The following GABRA2 variants were observed in gnomAD, a reference collection of about 807,000 sequenced individuals.
GABRA2 encodes the protein gamma-aminobutyric acid type A receptor subunit alpha2, also known as gamma-aminobutyric acid receptor subunit alpha-2.
GABRA2 carries 16 observed loss-of-function variants against 48.7 expected under a neutral mutation model. That is an observed-to-expected ratio of 0.33 (90% CI 0.22 to 0.50). The LOEUF (loss-of-function observed/expected upper bound fraction) is 0.50. GABRA2 is among the 20% of genes least tolerant of loss of function. The probability of loss-of-function intolerance (pLI) is 0.98; values close to 1 mark genes in which losing one functional copy is unlikely to be tolerated. For synonymous variants in GABRA2, 185 were observed against 184.5 expected, an observed-to-expected ratio of 1.00 and a Z score of -0.02; for missense variants, 275 against 535.6, an observed-to-expected ratio of 0.51 and a Z score of 4.80.
intron 3 of GABRA2, among the ~76,000 whole-genome samples, chr4:46,382,177 TACAC>T (rs36024364): frequency 2.1e-5 from 3 of 140,778 alleles, no homozygotes; most frequent in Admixed American, 7.1e-5. Flanking sequence ...TACACAAACA[TACAC>T]ACACACACAC....
intron 7 of GABRA2, 136 bp from the exon 8 acceptor site, chr4:46,303,748 T>A: frequency 2.7e-6 from 2 of 738,192 alleles, no homozygotes; most frequent in East Asian, 5.4e-5. Flanking sequence ...GAAATTTATA[T>A]CACTTTTAAA....
intron 3 of GABRA2, among the ~76,000 whole-genome samples, chr4:46,376,741 TC>T (rs1426954656): frequency 6.9e-6 from 1 of 144,386 alleles, no homozygotes; most frequent in African/African-American, 2.8e-5. Flanking sequence ...TGTCTCCCTC[TC>T]CCTCTCCCTC....
chr4:46,293,240 A>T (rs984403595), intron 8 of GABRA2, among the ~76,000 whole-genome samples: 1 of 151,988 alleles, frequency 6.6e-6, no homozygotes, highest in Admixed American at 6.6e-5. Context: ...TGCCTCAATC[A>T]GTTTCCAGAC....
At chr4:46,259,705 A>T (rs1459075399) in intron 9 of GABRA2, among the ~76,000 whole-genome samples, 1 of 151,846 alleles carries the variant, frequency 6.6e-6, no homozygotes, top group Non-Finnish European at 1.5e-5. Context: ...GCATTTGCTC[A>T]TGTTTACTAA....
In GABRA2 at chr4:46,362,810, A is replaced by C. The variant is rs376248214; in HGVS notation, c.187+23264T>G. 8.3e-4 allele frequency among the ~76,000 whole-genome samples: 126 copies of C among 152,350 alleles called. 2 individuals are homozygous for C. In the South Asian group the frequency reaches 0.016, roughly 19 times the overall value. On this transcript the variant is annotated intron_variant, in intron 3 of 9. Transcript: ENST00000381620. ...AAGCAATGGTTTGCAAAATGGCAAAAGATAGTAAAGTTAAACTGGTGTATT... is the reference window on the plus strand; with the variant it reads ...AAGCAATGGTTTGCAAAATGGCAAACGATAGTAAAGTTAAACTGGTGTATT...
chr4:46,364,120 T>A lies in GABRA2; in HGVS notation c.187+21954A>T, dbSNP rs1713664094. 3.3e-5 allele frequency: 5 copies of A among 152,160 alleles called. No individual in the cohort carries two copies. The South Asian group carries it at 1.0e-3, about 32-fold the overall frequency. The allele number at this position is 152,160 out of a possible 1,614,324, so 9.4% of individuals were successfully genotyped here. ...CTACCTAATAAAGGGGCATGTAAGA[T>A]CCCAAGCCTTGGAATCAAAGAGATC... On this transcript the variant is annotated intron_variant, in intron 3 of 9. Coordinates refer to ENST00000381620, the MANE Select transcript of GABRA2 (RefSeq NM_000807.4).
chr4:46,319,551 T>A (rs1385178654), intron 4 of GABRA2, among the ~76,000 whole-genome samples: 1 of 151,898 alleles, frequency 6.6e-6, no homozygotes, highest in African/African-American at 2.4e-5. Flanking sequence ...TAGCACAGTA[T>A]TTGCATTGCA....
At chr4:46,377,234 C>A (rs923246650) in intron 3 of GABRA2, among the ~76,000 whole-genome samples, 2 of 151,220 alleles carry the variant, frequency 1.3e-5, no homozygotes, top group African/African-American at 4.9e-5. Context: ...CCTGGCTGCC[C>A]AGTCTGGAAA....
chr4:46,294,976 G>A (rs951258572), intron 8 of GABRA2, among the ~76,000 whole-genome samples: 1 of 152,180 alleles, frequency 6.6e-6, no homozygotes, highest in Non-Finnish European at 1.5e-5. Context: ...AATTACATGA[G>A]GAAGTGACTC....
intron 3 of GABRA2, 105 bp from the exon 4 acceptor site, chr4:46,332,787 G>T (rs183677247): frequency 1.4e-5 from 9 of 641,700 alleles, no homozygotes; most frequent in Admixed American, 5.5e-5. Context: ...TCACAAATTC[G>T]GGAGTACTGG....
At chr4:46,373,524 A>G (rs1392648789) in intron 3 of GABRA2, among the ~76,000 whole-genome samples, 1 of 152,160 alleles carries the variant, frequency 6.6e-6, no homozygotes, top group Non-Finnish European at 1.5e-5. Flanking sequence ...TTAAATGGTG[A>G]CATATTTTAA....
rs1246465885 is a variant in GABRA2 at position 46,389,807 on chromosome 4, G to C, written c.-83C>G. On this transcript the variant is annotated 5_prime_UTR_variant, in exon 1 of 10. Transcript: ENST00000381620. ...TTGACGAGATAGGAAACTTGGGAGAGAGAGAGAGAGAGAGAGAGAGAGAGA... is the reference window on the plus strand; with the variant it reads ...TTGACGAGATAGGAAACTTGGGAGACAGAGAGAGAGAGAGAGAGAGAGAGA... 2 of 304,338 alleles carry C rather than the reference G, an allele frequency of 6.6e-6. No individual in the cohort carries two copies. Among genetic ancestry groups the C allele is most frequent in the Non-Finnish European group, 7.5e-6 (2 of 267,228 alleles). 18.9% of individuals were successfully genotyped at this position (304,338 alleles called of 1,614,324 possible). A position where few individuals can be genotyped will look rare whatever the true frequency, so the allele number is the denominator to read the frequency against.
chr4:46,336,330 T>C (rs954989108), intron 3 of GABRA2, among the ~76,000 whole-genome samples: 1 of 152,128 alleles, frequency 6.6e-6, no homozygotes, highest in African/African-American at 2.4e-5. Flanking sequence ...GTTGAGAGTA[T>C]AAGTAATAGG....
chr4:46,386,031 G>T, intron 3 of GABRA2, 43 bp downstream of exon 3: 1 of 1,153,004 alleles, frequency 8.7e-7, no homozygotes, highest in Non-Finnish European at 1.3e-6. Context: ...ACTTTTAAAG[G>T]CATTATTTTA....
chr4:46,326,700 T>G (rs1020709598), intron 4 of GABRA2, among the ~76,000 whole-genome samples: 1 of 151,882 alleles, frequency 6.6e-6, no homozygotes, highest in Non-Finnish European at 1.5e-5. Context: ...TTGTAAGATT[T>G]TATGTATGCC....
chr4:46,295,471 G>C (rs1322994524), intron 8 of GABRA2, among the ~76,000 whole-genome samples: 1 of 152,210 alleles, frequency 6.6e-6, no homozygotes, highest in Non-Finnish European at 1.5e-5. Context: ...CTCAGCAGAA[G>C]AGGACTTTAA....
intron 8 of GABRA2, among the ~76,000 whole-genome samples, chr4:46,276,796 T>C (rs1446751975): frequency 6.6e-6 from 1 of 152,088 alleles, no homozygotes; most frequent in Non-Finnish European, 1.5e-5. Context: ...CTTTCCTAAC[T>C]GGGGATTTTT....
At chr4:46,352,174 A>C (rs1041589004) in intron 3 of GABRA2, among the ~76,000 whole-genome samples, 3 of 151,992 alleles carry the variant, frequency 2.0e-5, no homozygotes, top group Non-Finnish European at 2.9e-5. Flanking sequence ...GCAGAGAATC[A>C]CTATAAATGA....
At chr4:46,365,462 C>A (rs1265851059) in intron 3 of GABRA2, 1 of 152,070 alleles carries the variant, frequency 6.6e-6, no homozygotes, top group Non-Finnish European at 1.5e-5. Flanking sequence ...GATGTTCTCT[C>A]ATTTTCACTC....
Sources: gnomAD v4.1 joint callset for allele counts (sites outside exome capture counted in the v4.1 genomes callset) on GRCh38, gnomAD v4.1.1 for gene constraint, MANE v1.5 for transcripts, NCBI Gene and HGNC (gene_info 2026-07-23, HGNC 2026-07-21) for gene names.